The following DBNDD1 variants were observed in gnomAD, a reference collection of about 807,000 sequenced individuals.
The protein encoded by DBNDD1 is dysbindin domain containing 1.
Under a neutral mutation model 17.0 loss-of-function variants are expected in DBNDD1, and 14 were observed. The ratio of observed to expected loss-of-function variants is 0.82; its 90% CI spans 0.54 to 1.29. The LOEUF is 1.29. DBNDD1 is among the 50% of genes most tolerant of loss of function. The pLI is 0.00. For missense variants in DBNDD1, 221 were observed against 216.2 expected (o/e 1.02, Z -0.14); for synonymous variants, 105 against 102.0 (o/e 1.03, Z -0.18).
chr16:90,018,195 TG>T (rs2035678534), intron 1 of DBNDD1, among the ~76,000 whole-genome samples: 1 of 152,216 alleles, frequency 6.6e-6, no homozygotes, highest in African/African-American at 2.4e-5. Context: ...AGGCTTCCTA[TG>T]TCCACAAAGC....
chr16:90,014,132 A>ATT (rs777832275), intron 1 of DBNDD1, among the ~76,000 whole-genome samples: 1 of 147,338 alleles, frequency 6.8e-6, no homozygotes. Flanking sequence ...TATTATTATT[A>ATT]TTATTTTTTT....
In DBNDD1 at chr16:90,006,505, G is replaced by C. The variant is rs752435671; in HGVS notation, c.320-13C>G. On this transcript the variant is annotated splice_polypyrimidine_tract_variant and intron_variant, in intron 3 of 3. Transcript: ENST00000002501. The stretch of plus-strand genomic sequence containing the variant: ...AGCGGGTGCAGACCTAGGGGCATGC[G>C]GGAAGGGGAACTCGGTGTGGCTGAG... 1.3e-6 allele frequency: 2 copies of C among 1,593,898 alleles called. No individual in the cohort carries two copies. Among genetic ancestry groups the C allele is most frequent in the East Asian group, 4.5e-5 (2 of 44,728 alleles).
At position 90,006,400 on chromosome 16, in the gene DBNDD1, C is replaced by T. The variant is rs774519207; in HGVS notation, c.412G>A (p.Asp138Asn). The change falls in exon 4 of 4, where the codon GAC becomes AAC. Residue 138 changes from aspartate to asparagine, a missense_variant. Transcript: ENST00000002501. ...EQSHEKQPLGDPERQATVLDT... is the reference protein window; with the variant it reads ...EQSHEKQPLGNPERQATVLDT... The stretch of plus-strand genomic sequence containing the variant: ...AGGACTGTGGCCTGCCGCTCGGGGT[C>T]GCCTAGGGGCTGCTTCTCGTGGCTC... 3.8e-5 allele frequency: 61 copies of T among 1,606,330 alleles called. No individual in the cohort carries two copies. In the East Asian group the frequency reaches 5.8e-4, roughly 15 times the overall value.
At chr16:90,014,386 A>C (rs1356068932) in intron 1 of DBNDD1, among the ~76,000 whole-genome samples, 2 of 152,002 alleles carry the variant, frequency 1.3e-5, no homozygotes, top group South Asian at 2.1e-4. Flanking sequence ...TGGCCTCCCA[A>C]AGTGCTGGGA....
intron 1 of DBNDD1, among the ~76,000 whole-genome samples, chr16:90,018,116 G>T (rs1418905362): frequency 6.6e-6 from 1 of 152,216 alleles, no homozygotes; most frequent in East Asian, 1.9e-4. Flanking sequence ...AGGCTCACAG[G>T]GGCCTGACTG....
Position 90,008,782 on chromosome 16 carries a change from A to C in DBNDD1, c.319+2T>G, listed in dbSNP as rs1349518743. The stretch of plus-strand genomic sequence containing the variant: ...CCAGCCCAGCCCTGATGCCGGCCTC[A>C]CCTGCTGGGGACTCGGTGTTGAGGT... On this transcript the variant is annotated splice_donor_variant, in intron 3 of 3. Transcript: ENST00000002501. LOFTEE classifies it high-confidence loss of function. 6.3e-7 allele frequency: 1 copy of C among 1,592,480 alleles called. No individual in the cohort carries two copies. Among genetic ancestry groups the C allele is most frequent in the Non-Finnish European group, 8.6e-7 (1 of 1,165,770 alleles).
chr16:90,019,379 G>C lies in DBNDD1; in HGVS notation c.-38C>G, dbSNP rs11076656. The C allele has an allele frequency of 0.1, 119,282 of 1,197,360 alleles. 11,906 individuals carry two copies. The highest frequency in any genetic ancestry group is 0.66 in the East Asian group (19,280 of 29,168). 74.2% of individuals were successfully genotyped at this position (1,197,360 alleles called of 1,614,324 possible). ...GTCTGGGAGGGGCACGGGCGACGGC[G>C]GCGTCGCCTGGCCCGGGCGCCCCAA... On this transcript the variant is annotated 5_prime_UTR_variant, in exon 1 of 4. Transcript: ENST00000002501. The surrounding 1 kb of genome is among the most constrained non-coding windows in gnomAD (Gnocchi z 6.1).
upstream of DBNDD1, chr16:90,019,805 C>T (rs1341424563): frequency 8.7e-6 from 6 of 688,456 alleles, no homozygotes; most frequent in Admixed American, 8.7e-5. The surrounding 1 kb of genome is among the most constrained non-coding windows in gnomAD (Gnocchi z 6.1). Flanking sequence ...GTGCGGGCGC[C>T]CCTCGGGGCT....
Position 90,019,218 on chromosome 16 carries a change from G to C in DBNDD1, c.31+93C>G. 2 of 621,718 alleles carry C rather than the reference G, an allele frequency of 3.2e-6. No individual in the cohort carries two copies. Among genetic ancestry groups the C allele is most frequent in the Non-Finnish European group, 4.5e-6 (2 of 439,660 alleles). The allele number at this position is 621,718 out of a possible 1,614,324, so 38.5% of individuals were successfully genotyped here. A position where few individuals can be genotyped will look rare whatever the true frequency, so the allele number is the denominator to read the frequency against. ...TGCCAAAGGGGTCTTCGCGACTCCC[G>C]GGAGCGGCGAAGGGTGAGCCCTGGG... On this transcript the variant is annotated intron_variant, in intron 1 of 3. Transcript: ENST00000002501. This position sits in a 1 kb window ranked among gnomAD's most constrained non-coding sequence, Gnocchi z 6.1.
intron 1 of DBNDD1, among the ~76,000 whole-genome samples, chr16:90,016,537 A>T (rs1041589857): frequency 8.5e-5 from 13 of 152,104 alleles, no homozygotes; most frequent in African/African-American, 3.1e-4. Flanking sequence ...TCCTTACCCC[A>T]GCACAGCCCC....
chr16:90,018,680 C>A (rs1462424951), intron 1 of DBNDD1, among the ~76,000 whole-genome samples: 1 of 152,204 alleles, frequency 6.6e-6, no homozygotes, highest in East Asian at 1.9e-4. Context: ...TGCAGTAGGG[C>A]CTCCACCATC....
chr16:90,010,056 A>T (rs1248535423), intron 1 of DBNDD1: 2 of 1,611,642 alleles, frequency 1.2e-6, no homozygotes, highest in Non-Finnish European at 1.7e-6. Flanking sequence ...ATGTTTATTT[A>T]TTTTTTTTAG....
chr16:90,011,171 GGT>G lies in DBNDD1; in HGVS notation c.32-1743_32-1742del, dbSNP rs1220672551. ...CAGCGGTGAGCACTGATCGTAGCTG[GGT>G]GTGCTTGAAGCCGAGGGGAGCAGCT... On this transcript the variant is annotated intron_variant, in intron 1 of 3. Transcript: ENST00000002501. Among the ~76,000 whole-genome samples, 7 of 152,354 alleles carry G rather than the reference GGT, an allele frequency of 4.6e-5. No homozygotes were observed. The East Asian group carries it at 9.6e-4, about 21-fold the overall frequency.
chr16:90,011,704 G>A (rs937841383), intron 1 of DBNDD1: 3 of 454,864 alleles, frequency 6.6e-6, no homozygotes, highest in African/African-American at 6.0e-5. Context: ...CATCTGGAAT[G>A]AGGTTTCTGA....
At chr16:90,010,738 C>T (rs557374212) in intron 1 of DBNDD1, among the ~76,000 whole-genome samples, 28 of 152,296 alleles carry the variant, frequency 1.8e-4, no homozygotes, top group Admixed American at 7.8e-4. Flanking sequence ...TCCATCCCTC[C>T]ACAGATCCCC....
At chr16:90,011,128 G>A (rs1368910220) in intron 1 of DBNDD1, among the ~76,000 whole-genome samples, 3 of 152,248 alleles carry the variant, frequency 2.0e-5, no homozygotes, top group African/African-American at 7.2e-5. Context: ...GACCCTGTGG[G>A]GTATTTTTGG....
At chr16:90,012,752 C>G (rs2035576434) in intron 1 of DBNDD1, among the ~76,000 whole-genome samples, 1 of 151,230 alleles carries the variant, frequency 6.6e-6, no homozygotes, top group Non-Finnish European at 1.5e-5. Flanking sequence ...AGCCACCGCA[C>G]CTGGCCTCTC....
At chr16:90,011,713 G>A (rs1402545403) in intron 1 of DBNDD1, 1 of 454,534 alleles carries the variant, frequency 2.2e-6, no homozygotes, top group South Asian at 1.6e-5. Context: ...TGAGGTTTCT[G>A]AGCATCCTAA....
chr16:90,011,804 G>A (rs2035560936), intron 1 of DBNDD1: 2 of 385,042 alleles, frequency 5.2e-6, no homozygotes, highest in African/African-American at 2.1e-5. Context: ...GGGGACAGGG[G>A]GTGAGATGTG....
Sources: allele counts gnomAD v4.1 joint callset (sites outside exome capture counted in the v4.1 genomes callset), GRCh38; gene constraint gnomAD v4.1.1; non-coding constraint Gnocchi (gnomAD v3.1); transcripts MANE v1.5; gene names NCBI Gene and HGNC (gene_info 2026-07-23, HGNC 2026-07-21).